Variants in ACTR10 observed in about 807,000 individuals in gnomAD.
ACTR10 encodes the protein actin related protein 10, also known as actin-related protein 10.
Under a neutral mutation model 56.2 loss-of-function variants are expected in ACTR10, and 43 were observed. The ratio of observed to expected loss-of-function variants is 0.77; its 90% CI spans 0.60 to 0.99. The LOEUF is 0.99. Ranked by LOEUF, ACTR10 falls within the 50% of genes least tolerant of loss-of-function variation. ACTR10 has a pLI of 0.00. For missense variants in ACTR10, 466 were observed against 507.8 expected, an observed-to-expected ratio of 0.92 and a Z score of 0.79; for synonymous variants, 170 against 176.3, an observed-to-expected ratio of 0.96 and a Z score of 0.28.
In ACTR10 at chr14:58,200,232, G is replaced by A; in HGVS notation, c.15G>A (p.Glu5=). Residue 5 remains glutamate, a synonymous_variant, in exon 1 of 13, where the codon GAG becomes GAA. Transcript: ENST00000254286. The part of the protein sequence containing the change: MPLY[E]GLGSGGEKTA... Reference sequence around the variant, plus strand: ...GCCTTACTACCATGCCGCTCTACGAGGGCCTGGGGAGCGGCGGGGAGAAGA... The same window carrying A: ...GCCTTACTACCATGCCGCTCTACGAAGGCCTGGGGAGCGGCGGGGAGAAGA... 1 of 1,530,088 alleles carries A rather than the reference G, an allele frequency of 6.5e-7. No individual in the cohort carries two copies. Among genetic ancestry groups the A allele is most frequent in the Non-Finnish European group, 8.8e-7 (1 of 1,140,528 alleles). 94.8% of individuals were successfully genotyped at this position (1,530,088 alleles called of 1,614,324 possible). A position where few individuals can be genotyped will look rare whatever the true frequency, so the allele number is the denominator to read the frequency against.
intron 11 of ACTR10, among the ~76,000 whole-genome samples, chr14:58,231,359 C>A (rs1889529620): frequency 6.6e-6 from 1 of 152,160 alleles, no homozygotes; most frequent in Non-Finnish European, 1.5e-5. Flanking sequence ...CATGTGCATT[C>A]TTTTAAGACC....
chr14:58,222,390 T>C (rs986337541), intron 8 of ACTR10, among the ~76,000 whole-genome samples: 4 of 152,304 alleles, frequency 2.6e-5, no homozygotes, highest in Admixed American at 2.6e-4. Context: ...AAAGTGGTAG[T>C]GTTGGGGTGT....
At chr14:58,212,203 A>G in intron 5 of ACTR10, among the ~76,000 whole-genome samples, 1 of 152,146 alleles carries the variant, frequency 6.6e-6, no homozygotes, top group Admixed American at 6.5e-5. Flanking sequence ...GAGTGAGGTA[A>G]TATATATAAA....
chr14:58,220,929 A>T (rs1889250042), intron 8 of ACTR10, among the ~76,000 whole-genome samples: 1 of 152,178 alleles, frequency 6.6e-6, no homozygotes, highest in Admixed American at 6.5e-5. Context: ...AAGGTCCATA[A>T]TGTTAAGGAA....
chr14:58,201,553 A>C (rs1231673314), intron 1 of ACTR10, among the ~76,000 whole-genome samples: 5 of 152,216 alleles, frequency 3.3e-5, no homozygotes, highest in Admixed American at 6.5e-5. Flanking sequence ...TGGGAATACG[A>C]GGAGAGCAGT....
Position 58,211,312 on chromosome 14 carries a change from T to A in ACTR10, c.363T>A (p.Ala121=), listed in dbSNP as rs1442704341. 7 of 1,613,488 alleles carry A rather than the reference T, an allele frequency of 4.3e-6. No individual in the cohort carries two copies. The highest frequency in any genetic ancestry group is 5.9e-6 in the Non-Finnish European group (7 of 1,179,660). ...TCTAGGTTCCATCTGTCTTGCTTGC[T>A]CCAAGTCATCTAATGGCTCTTCTGA... ...KYFEVPSVLL[A]PSHLMALLTL... is the part of the protein sequence containing the mutation. The change falls in exon 5 of 13, where the codon GCT becomes GCA. Residue 121 remains alanine (A), a synonymous_variant. Transcript: ENST00000254286.
At chr14:58,200,531 C>T (rs1648114985) in intron 1 of ACTR10, among the ~76,000 whole-genome samples, 1 of 152,200 alleles carries the variant, frequency 6.6e-6, no homozygotes, top group African/African-American at 2.4e-5. Context: ...TTGCCCTCGT[C>T]GCCGCCCCTT....
At chr14:58,222,707 T>C (rs1447801360) in intron 8 of ACTR10, among the ~76,000 whole-genome samples, 1 of 145,464 alleles carries the variant, frequency 6.9e-6, no homozygotes, top group Non-Finnish European at 1.5e-5. Context: ...GGAGGTTGCA[T>C]TGTGCCGAGA....
intron 2 of ACTR10, among the ~76,000 whole-genome samples, chr14:58,205,243 A>G (rs1046396589): frequency 6.6e-6 from 1 of 150,954 alleles, no homozygotes; most frequent in Non-Finnish European, 1.5e-5. Flanking sequence ...AAACAAAAAC[A>G]AAAAAAAACA....
At chr14:58,205,651 T>C (rs964985626) in intron 2 of ACTR10, among the ~76,000 whole-genome samples, 1 of 152,126 alleles carries the variant, frequency 6.6e-6, no homozygotes, top group Non-Finnish European at 1.5e-5. Flanking sequence ...TAAGGAATCA[T>C]TTCATTGATT....
At position 58,200,244 on chromosome 14, in the gene ACTR10, C is replaced by T; in HGVS notation, c.27C>T (p.Ser9=). Residue 9 remains serine (S), a synonymous_variant, in exon 1 of 13, where the codon AGC becomes AGT. Transcript: ENST00000254286. MPLYEGLG[S]GGEKTAVVID... is the part of the protein sequence containing the mutation. ...TGCCGCTCTACGAGGGCCTGGGGAG[C>T]GGCGGGGAGAAGACGGCGGTCGTGA... The T allele has an allele frequency of 2.0e-6, 3 of 1,519,332 alleles. No homozygotes were observed. Among genetic ancestry groups the T allele is most frequent in the Non-Finnish European group, 2.6e-6 (3 of 1,136,410 alleles). 94.1% of individuals were successfully genotyped at this position (1,519,332 alleles called of 1,614,324 possible).
intron 7 of ACTR10, among the ~76,000 whole-genome samples, chr14:58,216,687 A>G (rs1265368619): frequency 6.6e-6 from 1 of 152,040 alleles, no homozygotes; most frequent in African/African-American, 2.4e-5. Context: ...TTTCCCTGGG[A>G]TGTTTTTCTT....
At chr14:58,211,171 C>G in intron 4 of ACTR10, 121 bp from the exon 5 acceptor site, 1 of 693,596 alleles carries the variant, frequency 1.4e-6, no homozygotes. Flanking sequence ...GAGTAGGTAT[C>G]ACCATATAAA....
Position 58,213,683 on chromosome 14 carries a change from G to GA in ACTR10, c.507dup (p.Ala170SerfsTer17). 2 of 1,612,236 alleles carry GA rather than the reference G, an allele frequency of 1.2e-6. No individual in the cohort carries two copies. The highest frequency in any genetic ancestry group is 1.7e-6 in the Non-Finnish European group (2 of 1,178,890). On this transcript the variant is annotated frameshift_variant, in exon 6 of 13. Coordinates refer to ENST00000254286, the MANE Select transcript of ACTR10 (RefSeq NM_018477.3). LOFTEE classifies it high-confidence loss of function. ...TGTTGGGGAGCACTACCCCTAGGAG[G>GA]AAAAGCTCTTCACAAGTAAGTTTCT... is the stretch of plus-strand genomic sequence containing the variant.
intron 7 of ACTR10, among the ~76,000 whole-genome samples, chr14:58,217,532 T>C (rs1318390948): frequency 6.6e-6 from 1 of 151,720 alleles, no homozygotes; most frequent in East Asian, 1.9e-4. Context: ...CTGGGCATGG[T>C]GGCTAATCCT....
chr14:58,232,369 G>A (rs1315984838), intron 12 of ACTR10, 102 bp downstream of exon 12: 3 of 651,750 alleles, frequency 4.6e-6, no homozygotes, highest in Non-Finnish European at 7.0e-6. Context: ...GTTCAGAATT[G>A]CCCACTTTAT....
rs17832885 is a variant in ACTR10 at position 58,207,751 on chromosome 14, C to G, written c.151-185C>G. Among the ~76,000 whole-genome samples the G allele has an allele frequency of 3.3e-5, 5 of 152,180 alleles. No homozygotes were observed. The South Asian group carries it at 1.0e-3, about 31-fold the overall frequency. ...ACCACAGACTAAAACATTCTGCCAT[C>G]TTAGACATTCCGATTCTTAAGGATT... On this transcript the variant is annotated intron_variant, in intron 2 of 12. Coordinates refer to ENST00000254286, the MANE Select transcript of ACTR10 (RefSeq NM_018477.3).
chr14:58,212,855 C>T (rs900939101), intron 5 of ACTR10, among the ~76,000 whole-genome samples: 49 of 152,176 alleles, frequency 3.2e-4, no homozygotes, highest in African/African-American at 1.2e-3. Flanking sequence ...CCGTGGCTCA[C>T]ACATGTAATC....
rs1475169737 is a variant in ACTR10, at chr14:58,209,063, C to G, written c.298C>G (p.His100Asp). Residue 100 changes from histidine (H) to aspartate (D), a missense_variant, in exon 4 of 13, where the codon CAC becomes GAC. Coordinates refer to ENST00000254286, the MANE Select transcript of ACTR10 (RefSeq NM_018477.3). Reference protein sequence around the residue: ...VIIESVLCPSHFRETLTRVLF... With the variant: ...VIIESVLCPSDFRETLTRVLF... The stretch of plus-strand genomic sequence containing the variant: ...TATCGAATCGGTATTATGTCCTTCT[C>G]ACTTCAGAGAGACACTCACTCGTGT... The G allele has an allele frequency of 6.2e-7, 1 of 1,610,406 alleles. No homozygotes were observed. The highest frequency in any genetic ancestry group is 8.5e-7 in the Non-Finnish European group (1 of 1,178,074).
Sources: allele counts gnomAD v4.1 joint callset (sites outside exome capture counted in the v4.1 genomes callset), GRCh38; gene constraint gnomAD v4.1.1; transcripts MANE v1.5; gene names NCBI Gene and HGNC (gene_info 2026-07-23, HGNC 2026-07-21).